Variants in CX3CR1 observed in about 807,000 individuals in gnomAD.
CX3CR1 encodes C-X3-C motif chemokine receptor 1.
For missense variants in CX3CR1, 363 were observed against 432.4 expected (o/e 0.84, Z 1.42); for synonymous variants, 168 against 178.5 (o/e 0.94, Z 0.47).
chr3:39,281,025 C>T, upstream of CX3CR1: 1 of 960,130 alleles, frequency 1.0e-6, no homozygotes, highest in Non-Finnish European at 1.2e-6. Flanking sequence ...ATCCCAGCCA[C>T]ATCCGGTGCT....
rs746536761 is a variant in CX3CR1, at chr3:39,263,885, G to T, written c.*1557C>A. On this transcript the variant is annotated 3_prime_UTR_variant, in exon 2 of 2. Transcript: ENST00000399220. The stretch of plus-strand genomic sequence containing the variant: ...TGAATACAGGAATGACAATATTGAT[G>T]TGGTTAGATTGGATGACTTTTTCTT... 6.6e-6 allele frequency: 1 copy of T among 152,142 alleles called. No individual in the cohort carries two copies. The allele number at this position is 152,142 out of a possible 1,614,324, so 9.4% of individuals were successfully genotyped here.
upstream of CX3CR1, chr3:39,280,118 T>C: frequency 1.0e-6 from 1 of 971,196 alleles, no homozygotes; most frequent in South Asian, 4.7e-5. Context: ...TATCTTTAGA[T>C]GCTGCCACAG....
At chr3:39,278,579 T>C (rs63487761) in intron 1 of CX3CR1, among the ~76,000 whole-genome samples, 1 of 2,476 alleles carries the variant, frequency 4.0e-4, no homozygotes, top group Admixed American at 3.7e-3. Context: ...TCAATTTTCC[T>C]TTTTTTTTGG....
At chr3:39,285,020 A>C (rs938200), upstream of CX3CR1, among the ~76,000 whole-genome samples, 98,056 of 151,934 alleles carry the variant, frequency 0.65, 31,898 homozygotes, top group East Asian at 0.81. Flanking sequence ...TTCCTCTTCT[A>C]CCCTAAGAGG....
At chr3:39,281,515 C>T, upstream of CX3CR1, 1 of 1,108,128 alleles carries the variant, frequency 9.0e-7, no homozygotes, top group South Asian at 1.4e-5. Context: ...CCTCCGTGTT[C>T]ATGAGCACAC....
At chr3:39,267,540 G>T (rs2040719620) in intron 1 of CX3CR1, among the ~76,000 whole-genome samples, 1 of 152,180 alleles carries the variant, frequency 6.6e-6, no homozygotes, top group Non-Finnish European at 1.5e-5. Context: ...GGACTTTCCT[G>T]GTTTTAGCCC....
rs1015554986 is a variant in CX3CR1 at position 39,263,845 on chromosome 3, C to T, written c.*1597G>A. On this transcript the variant is annotated 3_prime_UTR_variant, in exon 2 of 2. Transcript: ENST00000399220. ...AACTCTAAACATGTGAGAGTGTGAA[C>T]AAGGTCTGGACGGGTGAATACAGGA... 2.6e-5 allele frequency: 4 copies of T among 152,206 alleles called. No individual in the cohort carries two copies. Among genetic ancestry groups the T allele is most frequent in the Non-Finnish European group, 4.4e-5 (3 of 68,036 alleles). The allele number at this position is 152,206 out of a possible 1,614,324, so 9.4% of individuals were successfully genotyped here.
the CX3CR1 span, among the ~76,000 whole-genome samples, chr3:39,289,599 C>G: frequency 2.0e-5 from 3 of 150,962 alleles, no homozygotes; most frequent in South Asian, 6.2e-4. Context: ...TCCTGAATGG[C>G]CTTTTAACTA....
upstream of CX3CR1, chr3:39,281,285 G>A (rs1041529598): frequency 1.2e-5 from 13 of 1,103,756 alleles, no homozygotes; most frequent in African/African-American, 9.9e-5. Flanking sequence ...GAGTCAGGCC[G>A]CTCCCCATCC....
At chr3:39,270,169 G>A (rs1173691913) in intron 1 of CX3CR1, among the ~76,000 whole-genome samples, 7 of 152,198 alleles carry the variant, frequency 4.6e-5, no homozygotes, top group Non-Finnish European at 8.8e-5. Flanking sequence ...AGGACTCGAT[G>A]ACTATCAAAC....
upstream of CX3CR1, chr3:39,286,493 T>C (rs2040943654): frequency 6.8e-6 from 1 of 147,352 alleles, no homozygotes; most frequent in African/African-American, 2.5e-5. Flanking sequence ...TACTAAAAAA[T>C]ACAAAAAATT....
Position 39,265,894 on chromosome 3 carries a change from T to C in CX3CR1, c.616A>G (p.Ile206Val). ...NFLGFLLPLLIMSYCYFRIIQ... is the reference protein window; with the variant it reads ...NFLGFLLPLLVMSYCYFRIIQ... ...ATTCTGAAGTAGCAATAACTCATAA[T>C]GAGCAGGGGGAGTAGGAAGCCAAGA... Residue 206 changes from isoleucine (I) to valine (V), a missense_variant, in exon 2 of 2, where the codon ATT becomes GTT. Physicochemically the swap from Ile to Val is conservative, Grantham distance 29 (BLOSUM62 3). Coordinates refer to ENST00000399220, the MANE Select transcript of CX3CR1 (RefSeq NM_001337.4). 1.9e-6 allele frequency: 3 copies of C among 1,614,232 alleles called. No homozygotes were observed. Among genetic ancestry groups the C allele is most frequent in the East Asian group, 4.5e-5 (2 of 44,886 alleles).
At chr3:39,284,772 G>A (rs544131568), upstream of CX3CR1, among the ~76,000 whole-genome samples, 1 of 152,280 alleles carries the variant, frequency 6.6e-6, no homozygotes, top group Non-Finnish European at 1.5e-5. Flanking sequence ...CCACACAGCT[G>A]AAAAAGGGTC....
At chr3:39,281,614 T>G (rs945811092), upstream of CX3CR1, 1 of 1,598,922 alleles carries the variant, frequency 6.3e-7, no homozygotes, top group African/African-American at 1.3e-5. Context: ...CTTACCCCAC[T>G]GGCCATTCTC....
At chr3:39,273,790 C>T (rs2040807221) in intron 1 of CX3CR1, among the ~76,000 whole-genome samples, 1 of 152,136 alleles carries the variant, frequency 6.6e-6, no homozygotes. Flanking sequence ...AGGTGTGCAC[C>T]ACCATGCCCA....
chr3:39,265,503 C>A lies in CX3CR1; in HGVS notation c.1007G>T (p.Ser336Ile). ...GTAAGTAAAATTGCTGCTCAGAACA[C>A]TTCCATGCCTGCTCCTTTGTGATTC... ...SSESQRSRHG[S>I]VLSSNFTYHT... is the part of the protein sequence containing the mutation. The change falls in exon 2 of 2, where the codon AGT becomes ATT. Residue 336 changes from serine (S) to isoleucine (I), a missense_variant. Ser to Ile is a moderately radical substitution (Grantham distance 142). Transcript: ENST00000399220. The A allele has an allele frequency of 6.2e-7, 1 of 1,614,246 alleles. No homozygotes were observed. The highest frequency in any genetic ancestry group is 8.5e-7 in the Non-Finnish European group (1 of 1,180,036).
chr3:39,265,328 T>C lies in CX3CR1; in HGVS notation c.*114A>G, dbSNP rs141261030. 4 of 1,116,494 alleles carry C rather than the reference T, an allele frequency of 3.6e-6. No homozygotes were observed. The highest frequency in any genetic ancestry group is 1.6e-5 in the African/African-American group (1 of 63,966). 69.2% of individuals were successfully genotyped at this position (1,116,494 alleles called of 1,614,324 possible). ...ACACTCTAGGGTTGTTTTGTGTGCA[T>C]TGGGTCCATCATTTTGTGCCTGTAA... is the stretch of plus-strand genomic sequence containing the variant. On this transcript the variant is annotated 3_prime_UTR_variant, in exon 2 of 2. Transcript: ENST00000399220.
intron 1 of CX3CR1, 25 bp downstream of exon 1, chr3:39,279,914 CACCCCACCCACAGGT>C (rs755805506): frequency 2.2e-5 from 20 of 928,170 alleles, no homozygotes; most frequent in Non-Finnish European, 2.6e-5. Flanking sequence ...TCCACTGCTC[CACCCCACCCACAGGT>C]ACCCAACTAG....
In CX3CR1 at chr3:39,265,660, T is replaced by C. The variant is rs776223203; in HGVS notation, c.850A>G (p.Ser284Gly). 6.2e-7 allele frequency: 1 copy of C among 1,614,180 alleles called. No individual in the cohort carries two copies. Among genetic ancestry groups the C allele is most frequent in the Non-Finnish European group, 8.5e-7 (1 of 1,180,024 alleles). The stretch of plus-strand genomic sequence containing the variant: ...ATGAGAGGATTCAGGCAACAATGGC[T>C]AAATGCAACCGTCTCAGTCACACTG... ...ALSVTETVAFSHCCLNPLIYA... is the reference protein window; with the variant it reads ...ALSVTETVAFGHCCLNPLIYA... The change falls in exon 2 of 2, where the codon AGC becomes GGC. Residue 284 changes from serine to glycine, a missense_variant. Physicochemically the swap from Ser to Gly is moderately conservative, Grantham distance 56. Coordinates refer to ENST00000399220, the MANE Select transcript of CX3CR1 (RefSeq NM_001337.4).
Sources: gnomAD v4.1 joint callset for allele counts (sites outside exome capture counted in the v4.1 genomes callset) on GRCh38, gnomAD v4.1.1 for gene constraint, MANE v1.5 for transcripts, NCBI Gene and HGNC (gene_info 2026-07-23, HGNC 2026-07-21) for gene names.